RHOT1: variants seen among roughly 807,000 people sequenced by gnomAD.
RHOT1 encodes ras homolog family member T1.
Under a neutral mutation model 95.3 loss-of-function variants are expected in RHOT1, and 27 were observed. The observed-to-expected ratio is 0.28, with a 90% CI of 0.21 to 0.39. The LOEUF (loss-of-function observed/expected upper bound fraction) is 0.39, where lower values mean the gene tolerates loss of function less well. Ranked by LOEUF, RHOT1 falls within the 10% of genes least tolerant of loss-of-function variation. The pLI is 1.00. For synonymous variants in RHOT1, 227 were observed against 263.5 expected (o/e 0.86, Z 1.34); for missense variants, 578 against 786.7 (o/e 0.73, Z 3.17).
intron 6 of RHOT1, among the ~76,000 whole-genome samples, chr17:32,182,545 A>G (rs1171564562): frequency 6.6e-6 from 1 of 152,170 alleles, no homozygotes; most frequent in African/African-American, 2.4e-5. Flanking sequence ...CTTAATACTT[A>G]AAGCAGTATG....
chr17:32,149,653 G>GTA (rs2032002327), intron 1 of RHOT1, among the ~76,000 whole-genome samples: 2 of 133,128 alleles, frequency 1.5e-5, no homozygotes, highest in Non-Finnish European at 3.2e-5. Context: ...GTGTGTGTGT[G>GTA]TGTGTGTGTA....
chr17:32,208,230 C>T lies in RHOT1; in HGVS notation c.1660C>T (p.Pro554Ser), dbSNP rs772918193. ...DFCRKHKMPP[P>S]QAFTCNTADA... The stretch of plus-strand genomic sequence containing the variant: ...CTGCAGGAAACACAAAATGCCTCCA[C>T]CACAAGCCTTCACTTGCAATACTGC... Residue 554 changes from proline to serine, a missense_variant, in exon 18 of 20, where the codon CCA (proline) becomes TCA (serine). Transcript: ENST00000545287. 2 of 1,614,068 alleles carry T rather than the reference C, an allele frequency of 1.2e-6. No individual in the cohort carries two copies. Among genetic ancestry groups the T allele is most frequent in the South Asian group, 1.1e-5 (1 of 91,086 alleles).
At chr17:32,159,900 G>C (rs1226014077) in intron 1 of RHOT1, 1 of 152,382 alleles carries the variant, frequency 6.6e-6, no homozygotes, top group Non-Finnish European at 1.5e-5. Context: ...AGGGCCTGAA[G>C]CCCGGGGGCT....
rs2037885055 is a variant in RHOT1, at chr17:32,208,171, T to C, written c.1601T>C (p.Val534Ala). The change falls in exon 18 of 20, where the codon GTT becomes GCT. Residue 534 changes from valine to alanine, a missense_variant. Val to Ala is a moderately conservative substitution (Grantham distance 64, BLOSUM62 0). Around this residue, in one of 4 missense-constraint regions of RHOT1, gnomAD observed 296 missense variants for 338.5 expected, o/e 0.87. Coordinates refer to ENST00000545287, the MANE Select transcript of RHOT1 (RefSeq NM_001033566.3). ...IVAAKSDLHE[V>A]KQEYSISPTD... ...GCTGCAAAGTCAGACCTGCATGAAG[T>C]TAAACAAGAATACAGTATTTCACCT... 6.2e-7 allele frequency: 1 copy of C among 1,614,092 alleles called. No homozygotes were observed. Among genetic ancestry groups the C allele is most frequent in the Non-Finnish European group, 8.5e-7 (1 of 1,179,966 alleles).
At chr17:32,180,829 C>T (rs549584125) in intron 6 of RHOT1, among the ~76,000 whole-genome samples, 202 of 152,018 alleles carry the variant, frequency 1.3e-3, no homozygotes, top group African/African-American at 4.6e-3. Flanking sequence ...ACTGCAAGTG[C>T]GTGCCATCAC....
chr17:32,192,923 C>T (rs2036605674), intron 9 of RHOT1, among the ~76,000 whole-genome samples: 1 of 152,104 alleles, frequency 6.6e-6, no homozygotes. Flanking sequence ...CCTCAGCCTC[C>T]CAAAGTGCTG....
intron 1 of RHOT1, among the ~76,000 whole-genome samples, chr17:32,158,320 T>C (rs2033171724): frequency 6.6e-6 from 1 of 152,198 alleles, no homozygotes. Context: ...CCCTGCATGT[T>C]CTAGTGTTTT....
At chr17:32,199,319 G>A in intron 12 of RHOT1, 86 bp from the exon 13 acceptor site, 2 of 1,308,556 alleles carry the variant, frequency 1.5e-6, no homozygotes, top group South Asian at 2.7e-5. Context: ...GTTTTAAAAA[G>A]CATAGCTTTA....
intron 1 of RHOT1, among the ~76,000 whole-genome samples, chr17:32,145,106 A>C (rs1286397344): frequency 6.6e-6 from 1 of 152,078 alleles, no homozygotes; most frequent in Non-Finnish European, 1.5e-5. Flanking sequence ...AGACCAGGAA[A>C]CTGACCAACA....
intron 1 of RHOT1, among the ~76,000 whole-genome samples, chr17:32,147,114 G>A (rs995529562): frequency 6.0e-5 from 9 of 150,456 alleles, no homozygotes; most frequent in African/African-American, 2.0e-4. Context: ...GCACAATCTC[G>A]GCTCGTTACA....
intron 5 of RHOT1, 50 bp from the exon 6 acceptor site, chr17:32,176,111 T>C: frequency 3.1e-6 from 5 of 1,593,740 alleles, no homozygotes; most frequent in Non-Finnish European, 3.4e-6. Context: ...GGGAAGAGTG[T>C]TTTGTAAAGA....
rs747864727 is a variant in RHOT1 at position 32,175,390 on chromosome 17, G to T, written c.222+28G>T. 33 of 1,589,094 alleles carry T rather than the reference G, an allele frequency of 2.1e-5. 1 individual carries two copies. In the South Asian group the frequency reaches 3.2e-4, roughly 15 times the overall value. On this transcript the variant is annotated intron_variant, in intron 4 of 19. Coordinates refer to ENST00000545287, the MANE Select transcript of RHOT1 (RefSeq NM_001033566.3). ...GAGCTTTAAAAAACAGAGGTGTGGG[G>T]TTTTGTGTAGAAAAACAGTGATGAT...
chr17:32,163,547 A>G (rs1005830908), intron 1 of RHOT1, among the ~76,000 whole-genome samples: 2 of 152,032 alleles, frequency 1.3e-5, no homozygotes, highest in Non-Finnish European at 2.9e-5. Flanking sequence ...CCTGGCCAAT[A>G]TGGTAAAATC....
chr17:32,153,019 C>G (rs1042882759), intron 1 of RHOT1, among the ~76,000 whole-genome samples: 3 of 152,160 alleles, frequency 2.0e-5, no homozygotes, highest in Non-Finnish European at 4.4e-5. Flanking sequence ...CCAGGCTGGT[C>G]TAGAACTCCT....
rs2038101921 is a variant in RHOT1 at position 32,211,103 on chromosome 17, T to C, written c.1740-13T>C. On this transcript the variant is annotated splice_polypyrimidine_tract_variant and intron_variant, in intron 18 of 19. Transcript: ENST00000545287. The stretch of plus-strand genomic sequence containing the variant: ...TAAGAACTCAACTCCTGTCCTTCTG[T>C]GTGTTTTCGCAGCCATGCCCGGTTA... The C allele has an allele frequency of 6.3e-7, 1 of 1,596,728 alleles. No individual in the cohort carries two copies. Among genetic ancestry groups the C allele is most frequent in the Admixed American group, 1.7e-5 (1 of 59,318 alleles).
chr17:32,175,364 T>C lies in RHOT1; in HGVS notation c.222+2T>C. The stretch of plus-strand genomic sequence containing the variant: ...CAACTTCATCAAGAAATATCTCAGG[T>C]GAGCTTTAAAAAACAGAGGTGTGGG... On this transcript the variant is annotated splice_donor_variant, in intron 4 of 19. Transcript: ENST00000545287. LOFTEE classifies it high-confidence loss of function. 1.2e-6 allele frequency: 2 copies of C among 1,612,764 alleles called. No individual in the cohort carries two copies. Among genetic ancestry groups the C allele is most frequent in the Non-Finnish European group, 1.7e-6 (2 of 1,178,782 alleles).
rs1011611435 is a variant in RHOT1, at chr17:32,177,494, G to A, written c.329+1281G>A. On this transcript the variant is annotated intron_variant, in intron 6 of 19. Transcript: ENST00000545287. ...AGTTTTGCCAGGTGCGGTGGCTCAC[G>A]CCTGTAATCCCAGCACTTTGGGAGG... 2.6e-5 allele frequency among the ~76,000 whole-genome samples: 4 copies of A among 152,084 alleles called. 1 individual carries two copies. In the South Asian group the frequency reaches 6.2e-4, roughly 24 times the overall value.
chr17:32,145,823 T>C (rs1287117749), intron 1 of RHOT1, among the ~76,000 whole-genome samples: 5 of 152,124 alleles, frequency 3.3e-5, no homozygotes, highest in Admixed American at 1.3e-4. Flanking sequence ...GAGACCAGCC[T>C]GGGCAACATG....
intron 2 of RHOT1, among the ~76,000 whole-genome samples, chr17:32,171,848 A>G (rs901048973): frequency 1.1e-4 from 17 of 152,178 alleles, no homozygotes; most frequent in Non-Finnish European, 1.0e-4. Flanking sequence ...GCCTACCTCA[A>G]AGGATTGTTA....
Sources: allele counts gnomAD v4.1 joint callset (sites outside exome capture counted in the v4.1 genomes callset), GRCh38; gene constraint gnomAD v4.1.1; regional missense constraint gnomAD v4.1.1; transcripts MANE v1.5; gene names NCBI Gene and HGNC (gene_info 2026-07-23, HGNC 2026-07-21).